Variants in NAV3 observed in about 807,000 individuals in gnomAD.
NAV3 encodes the protein pore membrane and/or filament interacting like protein 1.
In NAV3, 87 loss-of-function variants were observed where a neutral mutation model predicts 244.7. The observed-to-expected ratio is 0.36, with a 90% CI of 0.30 to 0.42. The LOEUF (loss-of-function observed/expected upper bound fraction) is 0.42, where lower values mean the gene tolerates loss of function less well. Among genes scored for constraint, NAV3 ranks in the 20% least tolerant of loss-of-function variants. NAV3 has a pLI of 1.00. For missense variants in NAV3, 2,663 were observed against 2,893.3 expected (o/e 0.92, Z 1.83); for synonymous variants, 1,126 against 1,042.2 (o/e 1.08, Z -1.55).
rs1262042385 is a variant in NAV3 at position 78,078,579 on chromosome 12, T to C, written c.2636+19464T>C. 2.0e-5 allele frequency among the ~76,000 whole-genome samples: 3 copies of C among 151,618 alleles called. No individual in the cohort carries two copies. In the East Asian group the frequency reaches 5.9e-4, roughly 30 times the overall value. The stretch of plus-strand genomic sequence containing the variant: ...CCCGGCTAATTTTTTGTATTTTTAG[T>C]AGAGACGGGGTTTCACCGTTTTAGC... On this transcript the variant is annotated intron_variant, in intron 12 of 39. Transcript: ENST00000397909.
intron 18 of NAV3, among the ~76,000 whole-genome samples, chr12:78,134,971 C>G (rs1224723911): frequency 6.6e-6 from 1 of 152,036 alleles, no homozygotes; most frequent in Non-Finnish European, 1.5e-5. Flanking sequence ...TTTGGAAATT[C>G]TTGTGTGTCT....
chr12:77,675,907 G>A (rs1253159491), intron 2 of NAV3, among the ~76,000 whole-genome samples: 1 of 151,956 alleles, frequency 6.6e-6, no homozygotes, highest in African/African-American at 2.4e-5. Flanking sequence ...TTTGATCCTG[G>A]CCAGTACTGT....
chr12:77,726,542 G>A (rs11106446), intron 2 of NAV3, among the ~76,000 whole-genome samples: 2 of 151,828 alleles, frequency 1.3e-5, no homozygotes, highest in East Asian at 3.9e-4. Context: ...GCATGACAGT[G>A]GAGACAGGGT....
intron 2 of NAV3, among the ~76,000 whole-genome samples, chr12:77,735,755 AATCT>A (rs969002602): frequency 3.3e-5 from 5 of 152,216 alleles, no homozygotes; most frequent in African/African-American, 1.2e-4. Flanking sequence ...CCATTGCTTG[AATCT>A]ATCTATTGTT....
At chr12:77,915,332 T>C (rs1172971372) in intron 1 of NAV3, among the ~76,000 whole-genome samples, 2 of 152,044 alleles carry the variant, frequency 1.3e-5, no homozygotes, top group Admixed American at 6.6e-5. Context: ...CTAACATTTA[T>C]ATAATGGTAA....
Position 78,057,923 on chromosome 12 carries a change from A to G in NAV3, c.2517-1073A>G, listed in dbSNP as rs11108060. Among the ~76,000 whole-genome samples the G allele has an allele frequency of 1.4e-3, 213 of 152,272 alleles. 1 individual carries two copies. The highest frequency in any genetic ancestry group is 3.4e-3 in the Middle Eastern group (1 of 294). On this transcript the variant is annotated intron_variant, in intron 11 of 39. Coordinates refer to ENST00000397909, the MANE Select transcript of NAV3 (RefSeq NM_001024383.2). The stretch of plus-strand genomic sequence containing the variant: ...CTGATTTTTTTCCAAACAATCATTT[A>G]AAAAAGGTTCACAGCAATCATTTGT...
At chr12:77,978,803 A>G (rs1044203402) in intron 5 of NAV3, among the ~76,000 whole-genome samples, 3 of 151,828 alleles carry the variant, frequency 2.0e-5, no homozygotes, top group Admixed American at 6.6e-5. Context: ...GACCATCCCA[A>G]ATGCCCCTGT....
Position 77,985,249 on chromosome 12 carries a change from C to T in NAV3, c.672-9554C>T, listed in dbSNP as rs925718832. On this transcript the variant is annotated intron_variant, in intron 5 of 39. Coordinates refer to ENST00000397909, the MANE Select transcript of NAV3 (RefSeq NM_001024383.2). Reference sequence around the variant, plus strand: ...TCTTTCTGACACAGTGCCAGTACATCGGAGGTGGTCAATAAAAGTCTTTTC... The same window carrying T: ...TCTTTCTGACACAGTGCCAGTACATTGGAGGTGGTCAATAAAAGTCTTTTC... 2.0e-5 allele frequency among the ~76,000 whole-genome samples: 3 copies of T among 152,086 alleles called. No homozygotes were observed. The South Asian group carries it at 6.2e-4, about 31-fold the overall frequency.
chr12:78,137,230 T>C lies in NAV3; in HGVS notation c.4495T>C (p.Ser1499Pro). The change falls in exon 19 of 40, where the codon TCA becomes CCA. Residue 1499 changes from serine to proline, a missense_variant. Coordinates refer to ENST00000397909, the MANE Select transcript of NAV3 (RefSeq NM_001024383.2). The part of the protein sequence containing the change: ...FNLPGPSMMR[S>P]NSIPAQDSSF... ...CCTTCCCGGGCCCAGCATGATGCGC[T>C]CAAACAGCATCCCAGCCCAAGACTC... The C allele has an allele frequency of 6.2e-7, 1 of 1,613,592 alleles. No individual in the cohort carries two copies. The highest frequency in any genetic ancestry group is 8.5e-7 in the Non-Finnish European group (1 of 1,179,670).
chr12:78,032,583 A>G (rs1388269727), intron 9 of NAV3, among the ~76,000 whole-genome samples: 1 of 152,176 alleles, frequency 6.6e-6, no homozygotes, highest in Non-Finnish European at 1.5e-5. Flanking sequence ...ACCCAATCTG[A>G]TGATGGTAGC....
intron 15 of NAV3, 105 bp downstream of exon 15, chr12:78,120,050 A>C: frequency 1.8e-6 from 1 of 541,698 alleles, no homozygotes; most frequent in Non-Finnish European, 2.7e-6. Flanking sequence ...AATATGTATA[A>C]GGTATATATA....
intron 23 of NAV3, among the ~76,000 whole-genome samples, chr12:78,162,869 A>AT (rs1324530785): frequency 0.014 from 1,675 of 121,710 alleles, 20 homozygotes; most frequent in South Asian, 0.039. Context: ...CTCAAAAAAA[A>AT]ATATATATAT....
At chr12:77,941,206 T>A (rs544670381) in intron 3 of NAV3, 73 bp downstream of exon 3, 1 of 967,610 alleles carries the variant, frequency 1.0e-6, no homozygotes, top group East Asian at 2.5e-5. Flanking sequence ...TGTAAATGGA[T>A]ATTATTTTTT....
intron 12 of NAV3, among the ~76,000 whole-genome samples, chr12:78,083,545 A>G (rs1288551288): frequency 6.6e-6 from 1 of 152,152 alleles, no homozygotes; most frequent in African/African-American, 2.4e-5. Context: ...TTACTGTGAT[A>G]TCCACATCCA....
At chr12:77,722,470 A>G (rs1405442861) in intron 2 of NAV3, among the ~76,000 whole-genome samples, 4 of 152,092 alleles carry the variant, frequency 2.6e-5, no homozygotes, top group African/African-American at 4.8e-5. Flanking sequence ...TTTACAAAGC[A>G]TTATGCTGGT....
intron 16 of NAV3, among the ~76,000 whole-genome samples, chr12:78,126,783 C>A (rs1027489351): frequency 6.6e-6 from 1 of 152,246 alleles, no homozygotes; most frequent in South Asian, 2.1e-4. Flanking sequence ...GAAGTTGTCA[C>A]TCTAACTTAG....
At chr12:77,792,058 CT>C (rs1434797807) in intron 2 of NAV3, among the ~76,000 whole-genome samples, 80 of 152,336 alleles carry the variant, frequency 5.3e-4, no homozygotes, top group African/African-American at 1.8e-3. Context: ...TACAAGGCAT[CT>C]TTAAGTCTTT....
chr12:77,580,850 T>C (rs1470005052), intron 2 of NAV3, among the ~76,000 whole-genome samples: 1 of 152,218 alleles, frequency 6.6e-6, no homozygotes, highest in Non-Finnish European at 1.5e-5. Flanking sequence ...GTCATGGAGA[T>C]GTTCACTGTA....
intron 2 of NAV3, among the ~76,000 whole-genome samples, chr12:77,638,046 A>C (rs1407131390): frequency 6.6e-6 from 1 of 152,224 alleles, no homozygotes; most frequent in Non-Finnish European, 1.5e-5. Context: ...TTATTTGTGC[A>C]CTAGAGCATA....
Sources: allele counts gnomAD v4.1 joint callset (sites outside exome capture counted in the v4.1 genomes callset), GRCh38; gene constraint gnomAD v4.1.1; transcripts MANE v1.5; gene names NCBI Gene and HGNC (gene_info 2026-07-23, HGNC 2026-07-21).